PIBF1: variants seen among roughly 807,000 people sequenced by gnomAD.
The protein encoded by PIBF1 is progesterone immunomodulatory binding factor 1.
A neutral mutation model predicts 112.5 loss-of-function variants in PIBF1; 90 were observed. The ratio of observed to expected loss-of-function variants is 0.80; its 90% CI spans 0.67 to 0.95. The LOEUF (loss-of-function observed/expected upper bound fraction) is 0.95, where lower values mean the gene tolerates loss of function less well. PIBF1 is among the 40% of genes least tolerant of loss of function. The pLI is 0.00. For missense variants in PIBF1, 915 were observed against 852.3 expected, an observed-to-expected ratio of 1.07 and a Z score of -0.92; for synonymous variants, 301 against 288.6, an observed-to-expected ratio of 1.04 and a Z score of -0.44.
intron 10 of PIBF1, among the ~76,000 whole-genome samples, chr13:72,859,477 T>C (rs1291299240): frequency 6.6e-6 from 1 of 152,198 alleles, no homozygotes; most frequent in African/African-American, 2.4e-5. Context: ...TATAATATCC[T>C]GCAGTACTAT....
At chr13:73,011,073 C>A (rs186766288) in intron 17 of PIBF1, among the ~76,000 whole-genome samples, 2,789 of 151,972 alleles carry the variant, frequency 0.018, 36 homozygotes, top group Middle Eastern at 0.034. Flanking sequence ...TGATCCCCCC[C>A]ACCTTGGCCT....
intron 2 of PIBF1, among the ~76,000 whole-genome samples, chr13:72,785,474 G>A (rs2034550310): frequency 6.6e-6 from 1 of 152,170 alleles, no homozygotes; most frequent in Non-Finnish European, 1.5e-5. Context: ...GTGGTTAATA[G>A]CATACCCAAG....
chr13:72,878,535 G>A (rs1274353683), intron 10 of PIBF1, among the ~76,000 whole-genome samples: 1 of 152,152 alleles, frequency 6.6e-6, no homozygotes. Flanking sequence ...CTTTGTTCAT[G>A]TGTGTTTATA....
At chr13:72,898,304 A>G (rs1222158452) in intron 11 of PIBF1, among the ~76,000 whole-genome samples, 1 of 152,102 alleles carries the variant, frequency 6.6e-6, no homozygotes, top group Non-Finnish European at 1.5e-5. Flanking sequence ...TCTGGAATAC[A>G]GCTAAGGCAG....
intron 14 of PIBF1, among the ~76,000 whole-genome samples, chr13:72,948,601 T>C (rs1166850439): frequency 1.3e-5 from 2 of 152,210 alleles, no homozygotes; most frequent in Admixed American, 1.3e-4. Flanking sequence ...AGTGCCCCAC[T>C]ACCCAGTACT....
chr13:72,934,831 A>G (rs769241716), intron 14 of PIBF1, among the ~76,000 whole-genome samples: 2 of 152,188 alleles, frequency 1.3e-5, no homozygotes, highest in Admixed American at 6.5e-5. Context: ...ACCAAAATGA[A>G]GGTAATAAAC....
chr13:72,882,358 T>C (rs1370835461), intron 10 of PIBF1, among the ~76,000 whole-genome samples: 1 of 152,112 alleles, frequency 6.6e-6, no homozygotes, highest in African/African-American at 2.4e-5. Flanking sequence ...GGAGAAACGC[T>C]CTAGGACATT....
intron 10 of PIBF1, chr13:72,881,000 T>C (rs1012790515): frequency 2.6e-5 from 4 of 152,108 alleles, no homozygotes; most frequent in African/African-American, 9.7e-5. Flanking sequence ...TGTACTAGAA[T>C]TCCCAGCTAA....
intron 16 of PIBF1, among the ~76,000 whole-genome samples, chr13:72,979,976 G>C (rs2043116977): frequency 6.6e-6 from 1 of 152,126 alleles, no homozygotes; most frequent in Non-Finnish European, 1.5e-5. Flanking sequence ...TTGGTGATTT[G>C]AGTACATTAG....
chr13:72,913,060 T>A (rs899170878), intron 12 of PIBF1, among the ~76,000 whole-genome samples: 11 of 147,882 alleles, frequency 7.4e-5, no homozygotes, highest in African/African-American at 2.5e-4. Context: ...GGGGTAAAAA[T>A]TTTTTTTTTT....
At chr13:72,913,834 T>C (rs757449719) in intron 12 of PIBF1, among the ~76,000 whole-genome samples, 27 of 152,246 alleles carry the variant, frequency 1.8e-4, no homozygotes, top group South Asian at 6.2e-4. Flanking sequence ...TCCACATGTA[T>C]AAATATTTTC....
chr13:72,904,815 G>A (rs1007043926), intron 11 of PIBF1, among the ~76,000 whole-genome samples: 5 of 151,280 alleles, frequency 3.3e-5, no homozygotes, highest in African/African-American at 1.2e-4. Context: ...TATAATACTA[G>A]GTGACAATAT....
intron 5 of PIBF1, among the ~76,000 whole-genome samples, chr13:72,821,288 C>T (rs1318301252): frequency 6.6e-6 from 1 of 152,128 alleles, no homozygotes; most frequent in African/African-American, 2.4e-5. Context: ...TCAGCAATGC[C>T]TTTCTTAACA....
intron 14 of PIBF1, among the ~76,000 whole-genome samples, chr13:72,955,837 T>A (rs2042430549): frequency 6.6e-6 from 1 of 152,190 alleles, no homozygotes; most frequent in Admixed American, 6.5e-5. Context: ...ATAAAGCCCT[T>A]CCATATTTTT....
At chr13:72,921,318 G>A (rs2041282852) in intron 13 of PIBF1, among the ~76,000 whole-genome samples, 2 of 151,960 alleles carry the variant, frequency 1.3e-5, no homozygotes, top group South Asian at 4.1e-4. Flanking sequence ...GTCCAGGCTG[G>A]TCTCGAGTGA....
At chr13:72,913,233 A>C (rs180751052) in intron 12 of PIBF1, among the ~76,000 whole-genome samples, 9 of 152,262 alleles carry the variant, frequency 5.9e-5, no homozygotes, top group African/African-American at 2.2e-4. Context: ...CAAAACTTTT[A>C]CATTTCAAAA....
intron 11 of PIBF1, among the ~76,000 whole-genome samples, chr13:72,904,121 A>G (rs1455816661): frequency 6.6e-6 from 1 of 151,754 alleles, no homozygotes; most frequent in Non-Finnish European, 1.5e-5. Context: ...TTCAGATCCC[A>G]TAATAGTGTG....
intron 14 of PIBF1, among the ~76,000 whole-genome samples, chr13:72,959,060 G>A (rs536782360): frequency 8.5e-5 from 13 of 152,264 alleles, no homozygotes; most frequent in Admixed American, 7.2e-4. Context: ...GTGCAGTGGC[G>A]TGATCTCGGC....
rs55999445 is a variant in PIBF1, at chr13:72,987,858, A to ATTTTTTTTTTTTT, written c.2050-10953_2050-10941dup. On this transcript the variant is annotated intron_variant, in intron 16 of 17. Transcript: ENST00000326291. ...TTGTAATTTATTTATTTATTTATTT[A>ATTTTTTTTTTTTT]TTTTTTTTTTTTTTTTTTTTTTTGA... Among the ~76,000 whole-genome samples, 22 of 58,114 alleles carry ATTTTTTTTTTTTT rather than the reference A, an allele frequency of 3.8e-4. 1 individual carries two copies. Among genetic ancestry groups the ATTTTTTTTTTTTT allele is most frequent in the African/African-American group, 2.1e-3 (22 of 10,714 alleles). The allele number at this position is 58,114 out of a possible 152,430, so 38.1% of individuals were successfully genotyped here.
Sources: allele counts gnomAD v4.1 joint callset (sites outside exome capture counted in the v4.1 genomes callset), GRCh38; gene constraint gnomAD v4.1.1; transcripts MANE v1.5; gene names NCBI Gene and HGNC (gene_info 2026-07-23, HGNC 2026-07-21).